SPAG16: variants seen among roughly 807,000 people sequenced by gnomAD.
SPAG16 encodes the protein sperm associated antigen 16.
Under a neutral mutation model 80.4 loss-of-function variants are expected in SPAG16, and 86 were observed. The observed-to-expected ratio is 1.07, with a 90% CI of 0.90 to 1.28. The LOEUF (loss-of-function observed/expected upper bound fraction) is 1.28, where lower values mean the gene tolerates loss of function less well. Ranked by LOEUF, SPAG16 falls within the 50% of genes most tolerant of loss-of-function variation. The pLI is 0.00. For synonymous variants in SPAG16, 294 were observed against 265.9 expected (o/e 1.11, Z -1.03); for missense variants, 870 against 765.3 (o/e 1.14, Z -1.61).
At chr2:214,101,191 G>C (rs577379286) in intron 13 of SPAG16, among the ~76,000 whole-genome samples, 1 of 151,734 alleles carries the variant, frequency 6.6e-6, no homozygotes, top group African/African-American at 2.4e-5. Context: ...ACACTAAAAA[G>C]ACTTTTACTA....
At chr2:214,398,707 G>C (rs1419830110) in intron 15 of SPAG16, among the ~76,000 whole-genome samples, 1 of 152,220 alleles carries the variant, frequency 6.6e-6, no homozygotes, top group Non-Finnish European at 1.5e-5. Context: ...TGCCTTCACA[G>C]AATTATTAGT....
intron 10 of SPAG16, among the ~76,000 whole-genome samples, chr2:213,766,384 T>C (rs868377662): frequency 6.6e-6 from 1 of 152,234 alleles, no homozygotes; most frequent in East Asian, 1.9e-4. Flanking sequence ...ATGGTGAATT[T>C]ATTAAATTAT....
At chr2:214,117,285 G>A (rs1338163156) in intron 14 of SPAG16, among the ~76,000 whole-genome samples, 3 of 152,072 alleles carry the variant, frequency 2.0e-5, no homozygotes, top group Non-Finnish European at 4.4e-5. Flanking sequence ...TAAGCTTGGT[G>A]ACAGGCTATT....
chr2:213,725,881 G>A (rs1325534470), intron 10 of SPAG16, among the ~76,000 whole-genome samples: 5 of 152,222 alleles, frequency 3.3e-5, no homozygotes, highest in Non-Finnish European at 7.3e-5. Context: ...GGGTCACAGA[G>A]CAGTTAGGTC....
intron 15 of SPAG16, among the ~76,000 whole-genome samples, chr2:214,302,074 G>A (rs1299057444): frequency 1.3e-5 from 2 of 151,954 alleles, no homozygotes; most frequent in Admixed American, 6.6e-5. Context: ...TAGTTTCCAT[G>A]TACTTATACA....
At chr2:213,444,077 T>C (rs904887827) in intron 9 of SPAG16, among the ~76,000 whole-genome samples, 1 of 152,174 alleles carries the variant, frequency 6.6e-6, no homozygotes, top group African/African-American at 2.4e-5. Flanking sequence ...TACACGTGCA[T>C]CCATTTAAAA....
chr2:214,399,567 G>A (rs1423919765), intron 15 of SPAG16, among the ~76,000 whole-genome samples: 1 of 151,982 alleles, frequency 6.6e-6, no homozygotes, highest in Non-Finnish European at 1.5e-5. Context: ...TGTACATTAA[G>A]AGAACAACTC....
intron 11 of SPAG16, among the ~76,000 whole-genome samples, chr2:213,929,638 G>A (rs2078659935): frequency 6.6e-6 from 1 of 152,150 alleles, no homozygotes; most frequent in Non-Finnish European, 1.5e-5. Flanking sequence ...ATCATCCAGA[G>A]CCTAATATAT....
intron 12 of SPAG16, among the ~76,000 whole-genome samples, chr2:213,983,678 G>C (rs2045875229): frequency 6.6e-6 from 1 of 151,922 alleles, no homozygotes; most frequent in South Asian, 2.1e-4. Flanking sequence ...CCCAAAGAAA[G>C]TCATTTTTTC....
chr2:213,335,068 A>T (rs529141166), intron 5 of SPAG16, among the ~76,000 whole-genome samples: 61 of 152,274 alleles, frequency 4.0e-4, no homozygotes, highest in Admixed American at 6.5e-4. Flanking sequence ...ATATACATCT[A>T]CTATGTACCC....
intron 15 of SPAG16, chr2:214,311,735 G>A (rs1695338862): frequency 6.6e-6 from 1 of 152,022 alleles, no homozygotes; most frequent in Non-Finnish European, 1.5e-5. Flanking sequence ...TTTCTGAGGA[G>A]AAATGGCATC....
At chr2:213,869,253 C>CAAAAAAAAAAAAAAAAAA (rs1329869756) in intron 11 of SPAG16, among the ~76,000 whole-genome samples, 1 of 82,804 alleles carries the variant, frequency 1.2e-5, no homozygotes. Flanking sequence ...AAGTCCATGT[C>CAAAAAAAAAAAAAAAAAA]AAAAAAAAAA....
intron 10 of SPAG16, among the ~76,000 whole-genome samples, chr2:213,539,423 C>G (rs2076355300): frequency 6.6e-6 from 1 of 152,136 alleles, no homozygotes; most frequent in East Asian, 1.9e-4. Flanking sequence ...TGGCCAAAAA[C>G]TTATTACTCG....
intron 5 of SPAG16, among the ~76,000 whole-genome samples, chr2:213,335,464 CAG>C (rs1413531109): frequency 6.6e-6 from 1 of 152,032 alleles, no homozygotes; most frequent in African/African-American, 2.4e-5. Flanking sequence ...GTTTTTACAA[CAG>C]AGACATCTTG....
intron 12 of SPAG16, among the ~76,000 whole-genome samples, chr2:214,003,589 G>A (rs765586392): frequency 9.2e-5 from 14 of 152,112 alleles, no homozygotes; most frequent in Non-Finnish European, 1.3e-4. Context: ...GTTATTCAAG[G>A]CAGTTATATT....
chr2:213,748,484 TAATA>T, intron 10 of SPAG16, among the ~76,000 whole-genome samples: 1 of 152,174 alleles, frequency 6.6e-6, no homozygotes, highest in East Asian at 1.9e-4. Flanking sequence ...AAGAAATAAT[TAATA>T]AGTTTTATTT....
chr2:213,847,441 T>C (rs918447660), intron 10 of SPAG16, among the ~76,000 whole-genome samples: 3 of 152,098 alleles, frequency 2.0e-5, no homozygotes, highest in African/African-American at 7.2e-5. Context: ...GCATATCATA[T>C]GGCAAAAGCA....
chr2:213,407,830 G>GAGAGAGAGAGAGGAGAGACGC (rs748372312), intron 9 of SPAG16, among the ~76,000 whole-genome samples: 1 of 99,130 alleles, frequency 1.0e-5, no homozygotes, highest in Non-Finnish European at 2.4e-5. Context: ...GAGAGAGGCA[G>GAGAGAGAGAGAGGAGAGACGC]AGAGAGAGAG....
Position 213,841,464 on chromosome 2 carries a change from G to A in SPAG16, c.1071-21021G>A, listed in dbSNP as rs560704104. Among the ~76,000 whole-genome samples, 8 of 152,194 alleles carry A rather than the reference G, an allele frequency of 5.3e-5. No individual in the cohort carries two copies. In the South Asian group the frequency reaches 1.7e-3, roughly 32 times the overall value. On this transcript the variant is annotated intron_variant, in intron 10 of 15. Transcript: ENST00000331683. ...AAAATTCTCTAACTTAGTAGAATGA[G>A]TAAAAGAATCACTTTAAGGGAAATA...
Sources: gnomAD v4.1 joint callset for allele counts (sites outside exome capture counted in the v4.1 genomes callset) on GRCh38, gnomAD v4.1.1 for gene constraint, MANE v1.5 for transcripts, NCBI Gene and HGNC (gene_info 2026-07-23, HGNC 2026-07-21) for gene names.